Variants in VPS45 observed in about 807,000 individuals in gnomAD.
The protein encoded by VPS45 is vacuolar protein sorting 45 homolog.
In VPS45, 35 loss-of-function variants were observed where a neutral mutation model predicts 75.9. The ratio of observed to expected loss-of-function variants is 0.46; its 90% CI spans 0.35 to 0.61. The LOEUF (loss-of-function observed/expected upper bound fraction) is 0.61, where lower values mean the gene tolerates loss of function less well. Ranked by LOEUF, VPS45 falls within the 20% of genes least tolerant of loss-of-function variation. VPS45 has a pLI of 0.00. For synonymous variants in VPS45, 220 were observed against 238.2 expected, an observed-to-expected ratio of 0.92 and a Z score of 0.70; for missense variants, 559 against 685.9, an observed-to-expected ratio of 0.81 and a Z score of 2.07.
rs1214254643 is a variant in VPS45, at chr1:150,136,226, G to C, written c.1626-8483G>C. Among the ~76,000 whole-genome samples, 20 of 102,978 alleles carry C rather than the reference G, an allele frequency of 1.9e-4. No homozygotes were observed. In the Admixed American group the frequency reaches 2.0e-3, roughly 10 times the overall value. 67.6% of individuals were successfully genotyped at this position (102,978 alleles called of 152,430 possible). ...ATCGTCCCACTGCACTCCAGCTTGG[G>C]CAACAGAGTGAGACTCTGTCTACAA... is the stretch of plus-strand genomic sequence containing the variant. On this transcript the variant is annotated intron_variant, in intron 14 of 14. Transcript: ENST00000644510.
At chr1:150,079,703 C>T (rs1334299564) in intron 7 of VPS45, among the ~76,000 whole-genome samples, 1 of 152,156 alleles carries the variant, frequency 6.6e-6, no homozygotes, top group Non-Finnish European at 1.5e-5. Context: ...TGAGCCACCA[C>T]GCCCGGCTGT....
At chr1:150,110,722 C>A in intron 14 of VPS45, 95 bp downstream of exon 14, 3 of 1,270,872 alleles carry the variant, frequency 2.4e-6, no homozygotes, top group Non-Finnish European at 2.1e-6. Flanking sequence ...CAATACTCAC[C>A]AAACTGCTGT....
intron 9 of VPS45, 22 bp downstream of exon 9, chr1:150,082,019 A>T: frequency 1.4e-6 from 2 of 1,442,326 alleles, no homozygotes; most frequent in Non-Finnish European, 1.9e-6. Flanking sequence ...ATGTACATGA[A>T]TGACAAACAT....
At chr1:150,131,568 C>T (rs1658837588) in intron 14 of VPS45, among the ~76,000 whole-genome samples, 2 of 150,958 alleles carry the variant, frequency 1.3e-5, no homozygotes, top group Non-Finnish European at 2.9e-5. Flanking sequence ...GGCACAGTGG[C>T]ACATGCGTAT....
At chr1:150,078,753 C>T (rs1472603809) in intron 7 of VPS45, among the ~76,000 whole-genome samples, 2 of 150,402 alleles carry the variant, frequency 1.3e-5, no homozygotes, top group Non-Finnish European at 3.0e-5. Flanking sequence ...CAGAGCAAGA[C>T]TCCGTCTCCA....
At chr1:150,074,042 T>A (rs1553797568) in intron 3 of VPS45, among the ~76,000 whole-genome samples, 1 of 146,410 alleles carries the variant, frequency 6.8e-6, no homozygotes, top group Non-Finnish European at 1.5e-5. Context: ...CGAGAAGCAG[T>A]CTTGCTTTGT....
At chr1:150,144,063 CAGA>C (rs1252703883) in intron 14 of VPS45, among the ~76,000 whole-genome samples, 3 of 151,956 alleles carry the variant, frequency 2.0e-5, no homozygotes, top group Non-Finnish European at 2.9e-5. Flanking sequence ...GGTTTTAAAG[CAGA>C]AGAAGGGAGA....
intron 13 of VPS45, among the ~76,000 whole-genome samples, chr1:150,101,900 A>G (rs1553804457): frequency 6.6e-6 from 1 of 152,092 alleles, no homozygotes; most frequent in Non-Finnish European, 1.5e-5. Context: ...TAGCAATCCC[A>G]TTACTGGGTA....
At chr1:150,137,418 C>A (rs1464651372) in intron 14 of VPS45, among the ~76,000 whole-genome samples, 1 of 152,072 alleles carries the variant, frequency 6.6e-6, no homozygotes, top group African/African-American at 2.4e-5. Flanking sequence ...TAAGACAAAC[C>A]ATTAGAAGAG....
At position 150,108,261 on chromosome 1, in the gene VPS45, C is replaced by T. The variant is rs115787900; in HGVS notation, c.1494-2235C>T. Among the ~76,000 whole-genome samples, 839 of 152,198 alleles carry T rather than the reference C, an allele frequency of 5.5e-3. 4 individuals carry two copies. Among genetic ancestry groups the T allele is most frequent in the African/African-American group, 0.019 (797 of 41,520 alleles). ...GGGCTGGAGATGGAGATTTGGGAAC[C>T]ATCAGCAGATGTATTTACAACCAAA... On this transcript the variant is annotated intron_variant, in intron 13 of 14. Coordinates refer to ENST00000644510, the MANE Select transcript of VPS45 (RefSeq NM_007259.5).
Position 150,103,875 on chromosome 1 carries a change from C to G in VPS45, c.1494-6621C>G, listed in dbSNP as rs587660686. On this transcript the variant is annotated intron_variant, in intron 13 of 14. Coordinates refer to ENST00000644510, the MANE Select transcript of VPS45 (RefSeq NM_007259.5). ...TAACTATCTGATTCTTCCCATTAGT[C>G]ACCAAGATGGTCACTGTACCCCTGC... Among the ~76,000 whole-genome samples the G allele has an allele frequency of 2.0e-5, 3 of 152,300 alleles. No homozygotes were observed. In the South Asian group the frequency reaches 6.2e-4, roughly 32 times the overall value.
At position 150,139,886 on chromosome 1, in the gene VPS45, T is replaced by TTTG. The variant is rs752651196; in HGVS notation, c.1626-4802_1626-4800dup. Among the ~76,000 whole-genome samples, 72 of 150,786 alleles carry TTTG rather than the reference T, an allele frequency of 4.8e-4. No homozygotes were observed. The East Asian group carries it at 9.4e-3, about 20-fold the overall frequency. ...AGCCAGTCACTAGTTTTATTTTATT[T>TTTG]TTGTTGTTGTTGTTGTTGTTGTTTT... On this transcript the variant is annotated intron_variant, in intron 14 of 14. Transcript: ENST00000644510.
intron 12 of VPS45, among the ~76,000 whole-genome samples, chr1:150,093,084 G>A (rs2101569079): frequency 6.6e-6 from 1 of 151,978 alleles, no homozygotes; most frequent in African/African-American, 2.4e-5. Flanking sequence ...CTGACCTTGT[G>A]ATCTGCCCGC....
At chr1:150,137,900 G>T (rs587648997) in intron 14 of VPS45, among the ~76,000 whole-genome samples, 3 of 126,852 alleles carry the variant, frequency 2.4e-5, no homozygotes, top group African/African-American at 9.2e-5. Flanking sequence ...AGGCGACAGA[G>T]TGAGACTCCG....
Position 150,134,884 on chromosome 1 carries a change from T to C in VPS45, c.1626-9825T>C, listed in dbSNP as rs79721241. On this transcript the variant is annotated intron_variant, in intron 14 of 14. Transcript: ENST00000644510. ...AAGAAGAAAATGTGAGCTAAGAATA[T>C]TGACAGAATATTATGATTATATTGT... Among the ~76,000 whole-genome samples, 583 of 152,324 alleles carry C rather than the reference T, an allele frequency of 3.8e-3. 1 individual carries two copies. The highest frequency in any genetic ancestry group is 0.013 in the African/African-American group (554 of 41,566).
intron 13 of VPS45, among the ~76,000 whole-genome samples, chr1:150,101,268 CAA>C (rs782740342): frequency 2.2e-5 from 3 of 137,208 alleles, no homozygotes; most frequent in Non-Finnish European, 3.1e-5. Context: ...AACCCTGTCG[CAA>C]AAAAAAAAAA....
intron 13 of VPS45, among the ~76,000 whole-genome samples, chr1:150,105,394 C>G (rs1657266270): frequency 6.6e-6 from 1 of 152,140 alleles, no homozygotes. Context: ...TAGAAGATTC[C>G]TAGACTTGAT....
intron 14 of VPS45, chr1:150,142,800 G>C (rs1238112018): frequency 2.3e-6 from 1 of 443,138 alleles, no homozygotes; most frequent in East Asian, 7.3e-5. Flanking sequence ...AAGTAGCTGG[G>C]ACTACAGGCA....
chr1:150,127,278 T>G (rs1182468394), intron 14 of VPS45, among the ~76,000 whole-genome samples: 1 of 152,236 alleles, frequency 6.6e-6, no homozygotes, highest in East Asian at 1.9e-4. Flanking sequence ...CACTGCTTTA[T>G]CCATTTAATT....
Sources: gnomAD v4.1 joint callset for allele counts (sites outside exome capture counted in the v4.1 genomes callset) on GRCh38, gnomAD v4.1.1 for gene constraint, MANE v1.5 for transcripts, NCBI Gene and HGNC (gene_info 2026-07-23, HGNC 2026-07-21) for gene names.